PDK1: variants seen among roughly 807,000 people sequenced by gnomAD.
PDK1 encodes the protein [Pyruvate dehydrogenase (acetyl-transferring)] kinase isozyme 1, mitochondrial.
In PDK1, 39 loss-of-function variants were observed where a neutral mutation model predicts 54.2. That is an observed-to-expected ratio of 0.72 (90% confidence interval 0.56 to 0.94). PDK1 has a LOEUF of 0.94. PDK1 is among the 40% of genes least tolerant of loss of function. PDK1 has a pLI of 0.00. For missense variants in PDK1, 552 were observed against 566.0 expected, an observed-to-expected ratio of 0.98 and a Z score of 0.25; for synonymous variants, 221 against 207.1, an observed-to-expected ratio of 1.07 and a Z score of -0.58.
chr2:172,642,997 A>C, the PDK1 span, among the ~76,000 whole-genome samples: 1 of 152,170 alleles, frequency 6.6e-6, no homozygotes, highest in African/African-American at 2.4e-5. Flanking sequence ...ATCTGTTTTC[A>C]TACTCAGTGA....
the PDK1 span, among the ~76,000 whole-genome samples, chr2:172,644,224 A>C: frequency 6.6e-6 from 1 of 152,230 alleles, no homozygotes; most frequent in Non-Finnish European, 1.5e-5. Context: ...TACCAGAAAA[A>C]AACTTCAAGG....
chr2:172,556,042 G>C (rs1688295092), upstream of PDK1: 1 of 819,800 alleles, frequency 1.2e-6, no homozygotes, highest in Non-Finnish European at 1.7e-6. Flanking sequence ...GGCCGCGCCG[G>C]TGACAGCCGA....
chr2:172,589,236 T>C (rs1341340812), intron 9 of PDK1, among the ~76,000 whole-genome samples: 1 of 152,172 alleles, frequency 6.6e-6, no homozygotes, highest in Non-Finnish European at 1.5e-5. Flanking sequence ...AATGTATCGC[T>C]CAGAGTCACA....
At chr2:172,667,410 G>C in the PDK1 span, among the ~76,000 whole-genome samples, 1 of 152,184 alleles carries the variant, frequency 6.6e-6, no homozygotes, top group Non-Finnish European at 1.5e-5. Flanking sequence ...GTGATTAGGA[G>C]AGGGATACAG....
the PDK1 span, among the ~76,000 whole-genome samples, chr2:172,685,296 G>T: frequency 1.3e-5 from 2 of 152,178 alleles, no homozygotes; most frequent in Non-Finnish European, 2.9e-5. Context: ...TCTAGTCATA[G>T]ACCACAATGG....
At chr2:172,643,483 C>T in the PDK1 span, among the ~76,000 whole-genome samples, 1 of 152,208 alleles carries the variant, frequency 6.6e-6, no homozygotes, top group African/African-American at 2.4e-5. Context: ...CTCAAGGCAT[C>T]TCTTCTAGCC....
the PDK1 span, among the ~76,000 whole-genome samples, chr2:172,680,970 C>G: frequency 0.014 from 2,117 of 152,300 alleles, 32 homozygotes; most frequent in Middle Eastern, 0.02. Flanking sequence ...TGAAGCAACT[C>G]AGGGGAAGTA....
intron 8 of PDK1, among the ~76,000 whole-genome samples, chr2:172,583,195 C>G (rs1048787965): frequency 3.3e-5 from 5 of 150,688 alleles, no homozygotes; most frequent in African/African-American, 7.4e-5. Flanking sequence ...TCAAAATACC[C>G]AGAGCTCTTT....
chr2:172,662,592 A>T, the PDK1 span, among the ~76,000 whole-genome samples: 3 of 150,768 alleles, frequency 2.0e-5, no homozygotes. Flanking sequence ...TGTCGTACTG[A>T]TTATAACTTA....
At chr2:172,721,707 G>T in the PDK1 span, among the ~76,000 whole-genome samples, 4 of 152,306 alleles carry the variant, frequency 2.6e-5, no homozygotes, top group African/African-American at 9.6e-5. Flanking sequence ...GCATGGAAGG[G>T]TTAATAATTT....
the PDK1 span, among the ~76,000 whole-genome samples, chr2:172,714,790 T>G: frequency 2.0e-3 from 311 of 152,284 alleles, 1 homozygote; most frequent in Middle Eastern, 6.8e-3. Flanking sequence ...ATTGGCCATT[T>G]TTATATGTAT....
At chr2:172,620,326 G>A in the PDK1 span, among the ~76,000 whole-genome samples, 164 of 152,266 alleles carry the variant, frequency 1.1e-3, no homozygotes, top group African/African-American at 3.8e-3. Context: ...AGCACAGGTA[G>A]ATTTATAATA....
chr2:172,588,856 A>C (rs1018698729), intron 9 of PDK1, among the ~76,000 whole-genome samples: 2 of 151,934 alleles, frequency 1.3e-5, no homozygotes, highest in African/African-American at 4.8e-5. Flanking sequence ...TCTGTTCCAG[A>C]CCTCCTTCTC....
chr2:172,565,119 A>C, intron 5 of PDK1, 46 bp downstream of exon 5: 1 of 1,118,604 alleles, frequency 8.9e-7, no homozygotes, highest in Non-Finnish European at 1.4e-6. Flanking sequence ...CAAAAATCAA[A>C]ATTATTGTTA....
chr2:172,721,685 T>A, the PDK1 span, among the ~76,000 whole-genome samples: 1 of 152,216 alleles, frequency 6.6e-6, no homozygotes, highest in Non-Finnish European at 1.5e-5. Context: ...TTTGCAGATT[T>A]TTCCCAGTAA....
chr2:172,642,859 T>TCTCCTCCTC, the PDK1 span, among the ~76,000 whole-genome samples: 1 of 147,450 alleles, frequency 6.8e-6, no homozygotes, highest in Non-Finnish European at 1.5e-5. Flanking sequence ...TTCTCCTCCT[T>TCTCCTCCTC]CTCCTCCTCC....
At chr2:172,621,682 TTATA>T in the PDK1 span, among the ~76,000 whole-genome samples, 39 of 148,030 alleles carry the variant, frequency 2.6e-4, 1 homozygote, top group African/African-American at 9.1e-4. Context: ...ATGTTTATGT[TTATA>T]TATCATATAT....
the PDK1 span, chr2:172,674,568 GCCT>G: frequency 2.0e-5 from 3 of 152,344 alleles, no homozygotes; most frequent in African/African-American, 7.2e-5. Flanking sequence ...AATTGTGTCC[GCCT>G]CCTCCTCAGG....
At chr2:172,618,795 A>G in the PDK1 span, among the ~76,000 whole-genome samples, 144 of 152,322 alleles carry the variant, frequency 9.5e-4, 1 homozygote, top group African/African-American at 3.2e-3. Context: ...GTGTGGCTGC[A>G]GCTGAGGTCC....
Sources: allele counts gnomAD v4.1 joint callset (sites outside exome capture counted in the v4.1 genomes callset), GRCh38; gene constraint gnomAD v4.1.1; transcripts MANE v1.5; gene names NCBI Gene and HGNC (gene_info 2026-07-23, HGNC 2026-07-21).